The following ZFHX3 variants were observed in gnomAD, a reference collection of about 807,000 sequenced individuals.
The protein encoded by ZFHX3 is zinc finger homeobox protein 3.
In ZFHX3, 42 loss-of-function variants were observed where a neutral mutation model predicts 279.1. The ratio of observed to expected loss-of-function variants is 0.15; its 90% CI spans 0.12 to 0.19. The LOEUF is 0.19. Ranked by LOEUF, ZFHX3 falls within the 10% of genes least tolerant of loss-of-function variation. ZFHX3 has a pLI of 1.00. For synonymous variants in ZFHX3, 2,293 were observed against 1,957.8 expected (o/e 1.17, Z -4.52); for missense variants, 4,981 against 4,754.0 (o/e 1.05, Z -1.40).
At chr16:73,641,666 T>C (rs1053415184) in intron 2 of ZFHX3, among the ~76,000 whole-genome samples, 1 of 152,002 alleles carries the variant, frequency 6.6e-6, no homozygotes, top group Non-Finnish European at 1.5e-5. Context: ...ATGTATAAAA[T>C]GGACACAATA....
intron 3 of ZFHX3, among the ~76,000 whole-genome samples, chr16:73,418,143 C>G (rs1465709989): frequency 6.6e-6 from 1 of 152,160 alleles, no homozygotes; most frequent in Non-Finnish European, 1.5e-5. Flanking sequence ...ACTGGGAACT[C>G]GCTATTTCCC....
chr16:73,018,312 T>C (rs973860118), intron 1 of ZFHX3, among the ~76,000 whole-genome samples: 6 of 150,768 alleles, frequency 4.0e-5, no homozygotes, highest in African/African-American at 1.5e-4. Context: ...TCTTATAAAA[T>C]AAATTAACTC....
chr16:73,702,269 G>A (rs775223888), intron 1 of ZFHX3, among the ~76,000 whole-genome samples: 1 of 152,118 alleles, frequency 6.6e-6, no homozygotes, highest in Middle Eastern at 3.2e-3. Context: ...AAAGTCCTGA[G>A]CTGAAACGTA....
At chr16:73,741,867 T>C (rs1371076119) in intron 1 of ZFHX3, among the ~76,000 whole-genome samples, 1 of 152,190 alleles carries the variant, frequency 6.6e-6, no homozygotes. Flanking sequence ...AATGTAGTCT[T>C]ACACATTTGT....
intron 9 of ZFHX3, among the ~76,000 whole-genome samples, chr16:72,792,652 A>C (rs2035751490): frequency 6.6e-6 from 1 of 152,106 alleles, no homozygotes; most frequent in Non-Finnish European, 1.5e-5. Flanking sequence ...GGGTTTCACC[A>C]TGTTGGCCAG....
intron 1 of ZFHX3, among the ~76,000 whole-genome samples, chr16:73,800,603 A>G (rs1960117545): frequency 6.6e-6 from 1 of 151,786 alleles, no homozygotes; most frequent in Admixed American, 6.6e-5. Flanking sequence ...GCTTGTCCAT[A>G]AATTCTACTC....
intron 5 of ZFHX3, among the ~76,000 whole-genome samples, chr16:73,242,364 A>G (rs61664468): frequency 0.14 from 21,131 of 151,892 alleles, 2,182 homozygotes; most frequent in East Asian, 0.45. Flanking sequence ...CCCCACACCC[A>G]CCCCATTAGC....
intron 2 of ZFHX3, among the ~76,000 whole-genome samples, chr16:73,586,740 T>C (rs543307502): frequency 3.3e-5 from 5 of 152,222 alleles, no homozygotes; most frequent in South Asian, 4.1e-4. Flanking sequence ...TCAACAAATA[T>C]ATGGAGGATC....
intron 2 of ZFHX3, among the ~76,000 whole-genome samples, chr16:73,631,925 TCTCACACACACACACA>T (rs967375646): frequency 6.6e-4 from 60 of 90,948 alleles, no homozygotes; most frequent in South Asian, 1.3e-3. Context: ...TCTCTCTCTC[TCTCACACACACACACA>T]CACACACACA....
At chr16:73,729,010 G>A (rs889691044) in intron 1 of ZFHX3, among the ~76,000 whole-genome samples, 1 of 152,138 alleles carries the variant, frequency 6.6e-6, no homozygotes, top group African/African-American at 2.4e-5. Context: ...TTCAGCCAGG[G>A]AAGAAGGTAG....
chr16:73,175,902 G>A (rs1158607403), intron 5 of ZFHX3, among the ~76,000 whole-genome samples: 1 of 152,060 alleles, frequency 6.6e-6, no homozygotes, highest in East Asian at 1.9e-4. Flanking sequence ...TTTTTACTTG[G>A]GGGGCAGGGC....
chr16:73,495,630 C>T (rs146169324), intron 2 of ZFHX3, among the ~76,000 whole-genome samples: 19 of 152,286 alleles, frequency 1.2e-4, no homozygotes, highest in Middle Eastern at 3.4e-3. Context: ...CACCTCAACA[C>T]GCTGGTCCCT....
intron 1 of ZFHX3, among the ~76,000 whole-genome samples, chr16:73,043,208 G>A (rs1965177868): frequency 6.6e-6 from 1 of 152,172 alleles, no homozygotes; most frequent in Non-Finnish European, 1.5e-5. Context: ...CCAGGACACA[G>A]CAAGCCAGCT....
At chr16:73,555,638 C>T (rs951028689) in intron 2 of ZFHX3, among the ~76,000 whole-genome samples, 14 of 151,666 alleles carry the variant, frequency 9.2e-5, no homozygotes, top group Non-Finnish European at 1.8e-4. Flanking sequence ...CAAAACCAGC[C>T]TGGCCAATAT....
At chr16:73,349,688 CT>C (rs2016195459) in intron 3 of ZFHX3, among the ~76,000 whole-genome samples, 1 of 31,474 alleles carries the variant, frequency 3.2e-5, no homozygotes, top group Non-Finnish European at 6.6e-5. Context: ...CTCTCTCCCT[CT>C]CCCTTCCTTC....
intron 1 of ZFHX3, among the ~76,000 whole-genome samples, chr16:73,778,263 G>C (rs934621021): frequency 6.2e-5 from 3 of 48,356 alleles, no homozygotes; most frequent in African/African-American, 1.2e-4. Context: ...AAAAAAAAAA[G>C]CATTGGACTT....
exon 1 of ZFHX3, chr16:73,058,559 AGCGGCGCTGCTGGCGACG>A (rs1329368622): frequency 1.6e-5 from 3 of 185,820 alleles, no homozygotes; most frequent in African/African-American, 7.9e-5. Context: ...CGGCGGCTGC[AGCGGCGCTGCTGGCGACG>A]GCGGCGGCGG....
chr16:72,790,898 G>C (rs894388183), intron 9 of ZFHX3: 2 of 152,232 alleles, frequency 1.3e-5, no homozygotes, highest in African/African-American at 4.8e-5. Flanking sequence ...CTTAAACTGT[G>C]TGTCTTCAAC....
chr16:73,088,425 T>C (rs1966034959), intron 8 of ZFHX3, among the ~76,000 whole-genome samples: 1 of 152,232 alleles, frequency 6.6e-6, no homozygotes. Flanking sequence ...AGTGCTGAAA[T>C]ACAGGCATGA....
Sources: gnomAD v4.1 joint callset for allele counts (sites outside exome capture counted in the v4.1 genomes callset) on GRCh38, gnomAD v4.1.1 for gene constraint, MANE v1.5 for transcripts, NCBI Gene and HGNC (gene_info 2026-07-23, HGNC 2026-07-21) for gene names.